The following PCLO variants were observed in gnomAD, a reference collection of about 807,000 sequenced individuals.
PCLO encodes the protein protein piccolo.
In PCLO, 82 loss-of-function variants were observed where a neutral mutation model predicts 427.5. The ratio of observed to expected loss-of-function variants is 0.19; its 90% CI spans 0.16 to 0.23. The LOEUF is 0.23. Among genes scored for constraint, PCLO ranks in the 10% least tolerant of loss-of-function variants. PCLO has a pLI of 1.00. For missense variants in PCLO, 6,239 were observed against 6,115.9 expected (o/e 1.02, Z -0.67); for synonymous variants, 2,357 against 2,155.4 (o/e 1.09, Z -2.59).
chr7:82,996,827 T>C (rs1314141382), intron 3 of PCLO, among the ~76,000 whole-genome samples: 1 of 151,942 alleles, frequency 6.6e-6, no homozygotes. Context: ...TGTGTGGCCA[T>C]GTACACACAA....
At chr7:82,762,347 G>A (rs551975467) in intron 22 of PCLO, among the ~76,000 whole-genome samples, 1 of 152,004 alleles carries the variant, frequency 6.6e-6, no homozygotes, top group East Asian at 1.9e-4. Context: ...GTTCTCAAAA[G>A]GAAATATAAC....
chr7:83,161,952 G>A (rs986874766), intron 1 of PCLO, among the ~76,000 whole-genome samples: 1 of 152,212 alleles, frequency 6.6e-6, no homozygotes, highest in Non-Finnish European at 1.5e-5. Flanking sequence ...CAATGGCCAA[G>A]AGGTTTAAAC....
chr7:82,890,458 T>C (rs913949187), intron 9 of PCLO, among the ~76,000 whole-genome samples: 3 of 152,066 alleles, frequency 2.0e-5, no homozygotes, highest in East Asian at 3.9e-4. Flanking sequence ...TCATATCTAG[T>C]ATAAGGCTGA....
intron 3 of PCLO, among the ~76,000 whole-genome samples, chr7:83,071,568 C>T (rs181414878): frequency 4.1e-4 from 62 of 152,162 alleles, no homozygotes; most frequent in African/African-American, 1.4e-3. Context: ...TCTCCCTCAC[C>T]CTCTCTTTCT....
At chr7:82,880,449 G>A (rs1793478623) in intron 9 of PCLO, 1 of 391,800 alleles carries the variant, frequency 2.6e-6, no homozygotes, top group South Asian at 1.9e-5. Context: ...TCACTATGTT[G>A]TCCAAGCTGG....
chr7:82,958,327 C>A (rs996228524), intron 4 of PCLO, among the ~76,000 whole-genome samples: 3 of 144,776 alleles, frequency 2.1e-5, no homozygotes, highest in African/African-American at 8.5e-5. Context: ...TCCTTCCTTC[C>A]TTCTTCCTTC....
At chr7:83,084,591 T>G (rs1790183785) in intron 3 of PCLO, among the ~76,000 whole-genome samples, 1 of 152,192 alleles carries the variant, frequency 6.6e-6, no homozygotes, top group Non-Finnish European at 1.5e-5. Context: ...GTTATTATGT[T>G]GTTAACTATG....
At chr7:82,941,455 G>A (rs1270236319) in intron 6 of PCLO, among the ~76,000 whole-genome samples, 1 of 152,142 alleles carries the variant, frequency 6.6e-6, no homozygotes, top group African/African-American at 2.4e-5. Flanking sequence ...GTCTTATTTA[G>A]TGCAAATAAA....
chr7:82,868,975 T>C (rs1008487896), intron 10 of PCLO, among the ~76,000 whole-genome samples: 1 of 152,164 alleles, frequency 6.6e-6, no homozygotes, highest in African/African-American at 2.4e-5. Flanking sequence ...GTGGATTCAT[T>C]GTTCTCTTAC....
chr7:82,980,160 C>T (rs56390332), intron 3 of PCLO, among the ~76,000 whole-genome samples: 11,194 of 152,068 alleles, frequency 0.074, 1,399 homozygotes, highest in African/African-American at 0.26. Context: ...CTCCCCACAT[C>T]CTCACACCTG....
At chr7:83,052,159 T>C (rs1789271407) in intron 3 of PCLO, among the ~76,000 whole-genome samples, 1 of 151,838 alleles carries the variant, frequency 6.6e-6, no homozygotes, top group African/African-American at 2.4e-5. Flanking sequence ...CAAAGTAAGA[T>C]TCATGAAAGA....
intron 3 of PCLO, among the ~76,000 whole-genome samples, chr7:83,012,666 T>A (rs1788112086): frequency 6.8e-6 from 1 of 146,884 alleles, no homozygotes; most frequent in Non-Finnish European, 1.5e-5. Context: ...CAGATTTTTA[T>A]ATGAAACCCC....
intron 9 of PCLO, among the ~76,000 whole-genome samples, chr7:82,889,168 C>A (rs1055338200): frequency 6.6e-6 from 1 of 152,090 alleles, no homozygotes; most frequent in African/African-American, 2.4e-5. Flanking sequence ...TTCCCCAGCA[C>A]AACCCCCGTG....
intron 3 of PCLO, among the ~76,000 whole-genome samples, chr7:83,083,481 T>C (rs1422818315): frequency 2.0e-5 from 3 of 152,010 alleles, no homozygotes; most frequent in African/African-American, 7.2e-5. Flanking sequence ...ATACTGTAAG[T>C]TGAGGTTTTT....
chr7:83,092,662 G>A (rs938054501), intron 3 of PCLO, among the ~76,000 whole-genome samples: 11 of 152,026 alleles, frequency 7.2e-5, no homozygotes, highest in Non-Finnish European at 1.0e-4. Context: ...AAAAACACAT[G>A]AAGCAGGCCA....
intron 3 of PCLO, among the ~76,000 whole-genome samples, chr7:83,014,363 A>G (rs1344533730): frequency 6.6e-6 from 1 of 152,158 alleles, no homozygotes; most frequent in Non-Finnish European, 1.5e-5. Context: ...ATGCATGTAT[A>G]TATGTAATGA....
chr7:82,956,521 T>A lies in PCLO; in HGVS notation c.4432A>T (p.Thr1478Ser), dbSNP rs1165421943. The A allele has an allele frequency of 1.9e-6, 3 of 1,612,700 alleles. No individual in the cohort carries two copies. In the South Asian group the frequency reaches 3.3e-5, roughly 18 times the overall value. Reference sequence around the variant, plus strand: ...TCTTGTTGGCTATCTTTTTTAAAAGTGTCTTTCCTTTCTTCTTGACTCTCT... The same window carrying A: ...TCTTGTTGGCTATCTTTTTTAAAAGAGTCTTTCCTTTCTTCTTGACTCTCT... The part of the protein sequence containing the change: ...IKESQEERKD[T>S]FKKDSQQDIP... Residue 1478 changes from threonine (T) to serine (S), a missense_variant, in exon 5 of 25, where the codon ACT becomes TCT. By Grantham distance (58) the Thr-to-Ser change is moderately conservative. Transcript: ENST00000333891.
intron 10 of PCLO, among the ~76,000 whole-genome samples, chr7:82,878,616 A>C (rs141587676): frequency 7.7e-4 from 117 of 152,270 alleles, no homozygotes; most frequent in Middle Eastern, 3.4e-3. Context: ...ATTTTACTGA[A>C]TGAAAATGAT....
At chr7:82,844,632 T>C (rs981038059) in intron 13 of PCLO, among the ~76,000 whole-genome samples, 12 of 152,172 alleles carry the variant, frequency 7.9e-5, no homozygotes, top group African/African-American at 2.9e-4. Flanking sequence ...ATAGTTTTTC[T>C]TAAGAATCAA....
Sources: gnomAD v4.1 joint callset for allele counts (sites outside exome capture counted in the v4.1 genomes callset) on GRCh38, gnomAD v4.1.1 for gene constraint, MANE v1.5 for transcripts, NCBI Gene and HGNC (gene_info 2026-07-23, HGNC 2026-07-21) for gene names.